RNF4: variants seen among roughly 807,000 people sequenced by gnomAD.
RNF4 encodes ring finger protein 4, also known as E3 ubiquitin-protein ligase RNF4.
Under a neutral mutation model 24.3 loss-of-function variants are expected in RNF4, and 7 were observed. The ratio of observed to expected loss-of-function variants is 0.29; its 90% CI spans 0.16 to 0.54. RNF4 has a LOEUF of 0.54. Among genes scored for constraint, RNF4 ranks in the 20% least tolerant of loss-of-function variants. RNF4 has a pLI of 0.95. For missense variants in RNF4, 209 were observed against 248.5 expected, an observed-to-expected ratio of 0.84 and a Z score of 1.07; for synonymous variants, 83 against 84.3, an observed-to-expected ratio of 0.98 and a Z score of 0.09.
chr4:2,500,852 G>T lies in RNF4; in HGVS notation c.204+114G>T. On this transcript the variant is annotated intron_variant, in intron 4 of 7. Transcript: ENST00000314289. Reference sequence around the variant, plus strand: ...AGTCAAGGTTACAGCTTATGCTAAAGAAGTTCATGCATCTTGTGGAATTGA... The same window carrying T: ...AGTCAAGGTTACAGCTTATGCTAAATAAGTTCATGCATCTTGTGGAATTGA... The T allele has an allele frequency of 9.0e-6, 8 of 890,560 alleles. No homozygotes were observed. The South Asian group carries it at 1.2e-4, about 13-fold the overall frequency. 55.2% of individuals were successfully genotyped at this position (890,560 alleles called of 1,614,324 possible).
At chr4:2,486,885 T>G (rs1578506848) in intron 1 of RNF4, among the ~76,000 whole-genome samples, 2 of 152,188 alleles carry the variant, frequency 1.3e-5, no homozygotes, top group African/African-American at 2.4e-5. Flanking sequence ...AACAAGCCCC[T>G]ATATGATAGA....
chr4:2,494,685 T>G (rs1735682882), intron 2 of RNF4: 1 of 152,144 alleles, frequency 6.6e-6, no homozygotes, highest in East Asian at 1.9e-4. Flanking sequence ...TGGCCAGAAC[T>G]TTTGAAAAGA....
intron 3 of RNF4, among the ~76,000 whole-genome samples, chr4:2,497,946 G>A (rs564667156): frequency 3.2e-4 from 49 of 152,170 alleles, no homozygotes; most frequent in Non-Finnish European, 4.4e-4. Context: ...GCAAACTCGC[G>A]TTTTAAACAG....
At position 2,515,561 on chromosome 4, in the gene RNF4, C is replaced by CA. The variant is rs1396917014; in HGVS notation, c.*1743dup. The stretch of plus-strand genomic sequence containing the variant: ...TCAGTCCACTCATAAAATATGGTAA[C>CA]ACCCATTTTAAAATTTAAGTTTTGT... On this transcript the variant is annotated 3_prime_UTR_variant, in exon 8 of 8. Transcript: ENST00000314289. 1 of 152,310 alleles carries CA rather than the reference C, an allele frequency of 6.6e-6. No homozygotes were observed. The highest frequency in any genetic ancestry group is 1.5e-5 in the Non-Finnish European group (1 of 68,044). 9.4% of individuals were successfully genotyped at this position (152,310 alleles called of 1,614,324 possible).
At chr4:2,499,488 C>G (rs1026394733) in intron 3 of RNF4, 4 of 312,032 alleles carry the variant, frequency 1.3e-5, no homozygotes, top group African/African-American at 9.2e-5. Flanking sequence ...GTTGGTCAGG[C>G]TGGTCTCGAA....
chr4:2,511,039 A>T (rs1042264553), intron 4 of RNF4, among the ~76,000 whole-genome samples: 1 of 152,234 alleles, frequency 6.6e-6, no homozygotes, highest in African/African-American at 2.4e-5. Flanking sequence ...ATCCTCCTCC[A>T]CATGAAGGCT....
chr4:2,504,445 A>G (rs1430433806), intron 4 of RNF4, among the ~76,000 whole-genome samples: 1 of 152,080 alleles, frequency 6.6e-6, no homozygotes, highest in Admixed American at 6.6e-5. Context: ...CTTTTTTATT[A>G]CAAATGGGAT....
At chr4:2,470,202 C>G (rs1008144037) in intron 1 of RNF4, among the ~76,000 whole-genome samples, 3 of 152,152 alleles carry the variant, frequency 2.0e-5, no homozygotes, top group African/African-American at 7.2e-5. Flanking sequence ...AGACTGAGGT[C>G]CAGAAAAGTG....
chr4:2,483,035 A>T (rs1237638429), intron 1 of RNF4, among the ~76,000 whole-genome samples: 1 of 152,112 alleles, frequency 6.6e-6, no homozygotes, highest in East Asian at 1.9e-4. Context: ...ATTTAATAGC[A>T]CTCATACCTG....
chr4:2,492,327 T>C (rs2108762981), intron 2 of RNF4, among the ~76,000 whole-genome samples: 1 of 152,300 alleles, frequency 6.6e-6, no homozygotes, highest in African/African-American at 2.4e-5. Context: ...ATACCCAGAC[T>C]GTTTAGAGCT....
At chr4:2,506,713 G>A (rs1736112674) in intron 4 of RNF4, among the ~76,000 whole-genome samples, 1 of 152,012 alleles carries the variant, frequency 6.6e-6, no homozygotes, top group Admixed American at 6.6e-5. Flanking sequence ...GACTATAGGG[G>A]TATGTCACCA....
intron 4 of RNF4, among the ~76,000 whole-genome samples, chr4:2,502,871 A>G (rs1735957738): frequency 6.6e-6 from 1 of 151,658 alleles, no homozygotes; most frequent in Non-Finnish European, 1.5e-5. Context: ...AAAGAAAAGA[A>G]ACAGGGTCTC....
chr4:2,474,869 A>G (rs1271189310), intron 1 of RNF4, among the ~76,000 whole-genome samples: 1 of 152,148 alleles, frequency 6.6e-6, no homozygotes, highest in East Asian at 1.9e-4. Context: ...GACTAAAAAT[A>G]CAAAAAAATT....
chr4:2,515,208 A>AC lies in RNF4; in HGVS notation c.*1389_*1390insC, dbSNP rs1223317032. On this transcript the variant is annotated 3_prime_UTR_variant, in exon 8 of 8. Transcript: ENST00000314289. ...GGGGCCACTTCTGGCTTTGTTAGCAATAACTGACCTTCAGTTTACCCTTCT... is the reference window on the plus strand; with the variant it reads ...GGGGCCACTTCTGGCTTTGTTAGCAACTAACTGACCTTCAGTTTACCCTTCT... 1 of 152,694 alleles carries AC rather than the reference A, an allele frequency of 6.5e-6. No homozygotes were observed. Among genetic ancestry groups the AC allele is most frequent in the Non-Finnish European group, 1.5e-5 (1 of 68,050 alleles). The allele number at this position is 152,694 out of a possible 1,614,324, so 9.5% of individuals were successfully genotyped here.
intron 4 of RNF4, among the ~76,000 whole-genome samples, chr4:2,508,105 C>G (rs555582367): frequency 1.8e-4 from 28 of 152,262 alleles, no homozygotes; most frequent in African/African-American, 6.5e-4. Context: ...CCTTGGCCTC[C>G]CAGGGTGCTG....
Position 2,512,672 on chromosome 4 carries a change from A to T in RNF4, c.374+75A>T, listed in dbSNP as rs1485778682. ...AGGGCATGGGAATACTTTTCAGCAAATCTGTGAGCCCTTGGCCCTGGAAGG... is the reference window on the plus strand; with the variant it reads ...AGGGCATGGGAATACTTTTCAGCAATTCTGTGAGCCCTTGGCCCTGGAAGG... On this transcript the variant is annotated intron_variant, in intron 6 of 7. Coordinates refer to ENST00000314289, the MANE Select transcript of RNF4 (RefSeq NM_002938.5). This position sits in a 1 kb window ranked among gnomAD's most constrained non-coding sequence, Gnocchi z 4.1. 2 of 1,542,238 alleles carry T rather than the reference A, an allele frequency of 1.3e-6. No homozygotes were observed. Among genetic ancestry groups the T allele is most frequent in the Non-Finnish European group, 1.8e-6 (2 of 1,137,822 alleles).
intron 2 of RNF4, chr4:2,494,896 G>A (rs1269029643): frequency 2.0e-5 from 3 of 152,208 alleles, no homozygotes; most frequent in African/African-American, 7.2e-5. Context: ...ATTATGGCTA[G>A]CAGATATTTA....
intron 2 of RNF4, 171 bp downstream of exon 2, chr4:2,490,673 A>G: frequency 1.6e-6 from 1 of 614,786 alleles, no homozygotes; most frequent in East Asian, 2.8e-5. Context: ...ACTTACCGAC[A>G]TTGAGCTACA....
intron 4 of RNF4, among the ~76,000 whole-genome samples, chr4:2,507,251 C>G (rs1048156462): frequency 6.6e-5 from 10 of 152,036 alleles, no homozygotes; most frequent in African/African-American, 2.2e-4. Context: ...CTGTAGATCT[C>G]TGGGTGTAAA....
Sources: gnomAD v4.1 joint callset for allele counts (sites outside exome capture counted in the v4.1 genomes callset) on GRCh38, gnomAD v4.1.1 for gene constraint, Gnocchi (gnomAD v3.1) non-coding constraint, MANE v1.5 for transcripts, NCBI Gene and HGNC (gene_info 2026-07-23, HGNC 2026-07-21) for gene names.